Variants in EXOC6 observed in about 807,000 individuals in gnomAD.
EXOC6 encodes the protein exocyst complex component 6, also known as SEC15-like 1.
In EXOC6, 60 loss-of-function variants were observed where a neutral mutation model predicts 112.5. That is an observed-to-expected ratio of 0.53 (90% CI 0.43 to 0.66). EXOC6 has a LOEUF of 0.66. EXOC6 is among the 30% of genes least tolerant of loss of function. EXOC6 has a pLI of 0.00. For synonymous variants in EXOC6, 295 were observed against 308.0 expected, an observed-to-expected ratio of 0.96 and a Z score of 0.44; for missense variants, 855 against 957.1, an observed-to-expected ratio of 0.89 and a Z score of 1.41.
intron 20 of EXOC6, among the ~76,000 whole-genome samples, chr10:93,035,532 G>A (rs1590081820): frequency 6.6e-6 from 1 of 152,144 alleles, no homozygotes; most frequent in Non-Finnish European, 1.5e-5. Flanking sequence ...CAGTGCTAAC[G>A]TTTTACATAG....
At chr10:92,973,961 C>G (rs1415299230) in intron 17 of EXOC6, 92 bp from the exon 18 acceptor site, 2 of 1,083,286 alleles carry the variant, frequency 1.8e-6, no homozygotes, top group Non-Finnish European at 2.6e-6. Flanking sequence ...AAATATTAAA[C>G]CAAAGGTAAA....
chr10:92,934,001 A>T (rs1564842028), intron 9 of EXOC6, 143 bp from the exon 10 acceptor site: 1 of 521,998 alleles, frequency 1.9e-6, no homozygotes, highest in East Asian at 3.2e-5. Context: ...TTATTTACAG[A>T]TATATCCCTG....
At chr10:93,045,063 G>T (rs1564935786) in intron 20 of EXOC6, among the ~76,000 whole-genome samples, 1 of 152,138 alleles carries the variant, frequency 6.6e-6, no homozygotes, top group South Asian at 2.1e-4. Context: ...AGAAAAGAAG[G>T]GGTTTCGCCA....
At chr10:92,906,981 A>G (rs2133862832) in intron 5 of EXOC6, among the ~76,000 whole-genome samples, 1 of 152,338 alleles carries the variant, frequency 6.6e-6, no homozygotes, top group East Asian at 1.9e-4. Context: ...ATTTAGAAAC[A>G]GATAAAACAT....
chr10:92,951,627 G>T (rs1451127235), intron 14 of EXOC6, among the ~76,000 whole-genome samples: 1 of 152,172 alleles, frequency 6.6e-6, no homozygotes, highest in East Asian at 1.9e-4. Flanking sequence ...AAATAGAAAA[G>T]AGGGTTTTTT....
At chr10:93,004,581 A>C (rs1843893829) in intron 19 of EXOC6, among the ~76,000 whole-genome samples, 1 of 152,134 alleles carries the variant, frequency 6.6e-6, no homozygotes, top group Non-Finnish European at 1.5e-5. Context: ...TATTTTTTAA[A>C]ATGTTTCCTT....
chr10:92,867,028 T>C (rs1009283423), intron 1 of EXOC6, among the ~76,000 whole-genome samples: 2 of 152,190 alleles, frequency 1.3e-5, no homozygotes, highest in African/African-American at 2.4e-5. Flanking sequence ...ACATACTTAA[T>C]GAAGAGGTAA....
intron 19 of EXOC6, among the ~76,000 whole-genome samples, chr10:93,011,359 T>C (rs1275674991): frequency 2.0e-5 from 3 of 151,964 alleles, no homozygotes; most frequent in African/African-American, 7.3e-5. Context: ...TGGGCTTAAG[T>C]GATCCTCCTG....
At chr10:93,029,930 TG>T (rs1261427642) in intron 20 of EXOC6, among the ~76,000 whole-genome samples, 4 of 151,526 alleles carry the variant, frequency 2.6e-5, no homozygotes, top group African/African-American at 7.3e-5. Context: ...TTTTTTGAGA[TG>T]GAGTTTCGCT....
chr10:92,930,502 T>C (rs1213019626), intron 9 of EXOC6, among the ~76,000 whole-genome samples: 1 of 114,078 alleles, frequency 8.8e-6, no homozygotes, highest in Non-Finnish European at 1.8e-5. Context: ...AGACTCTGTC[T>C]CAAATAATAA....
chr10:92,938,389 C>T (rs1383481411), intron 12 of EXOC6, among the ~76,000 whole-genome samples: 1 of 152,042 alleles, frequency 6.6e-6, no homozygotes, highest in East Asian at 1.9e-4. Context: ...TTAATGATTG[C>T]CAGCTTTTAA....
intron 1 of EXOC6, among the ~76,000 whole-genome samples, chr10:92,887,457 G>A (rs1469908365): frequency 1.4e-5 from 2 of 139,922 alleles, no homozygotes; most frequent in Non-Finnish European, 3.0e-5. Context: ...GAGTGCAGTG[G>A]TGTGATCTAG....
chr10:92,945,794 C>A (rs1357056889), intron 13 of EXOC6, among the ~76,000 whole-genome samples: 1 of 152,194 alleles, frequency 6.6e-6, no homozygotes, highest in Non-Finnish European at 1.5e-5. Context: ...CTGCGTCAGC[C>A]TCCCAAAGAT....
At chr10:93,047,218 C>A (rs1238777825) in intron 20 of EXOC6, among the ~76,000 whole-genome samples, 1 of 152,114 alleles carries the variant, frequency 6.6e-6, no homozygotes, top group African/African-American at 2.4e-5. Context: ...TGAACTAGGA[C>A]AGGCGTAGTA....
At chr10:92,953,414 A>G (rs573187715) in intron 15 of EXOC6, among the ~76,000 whole-genome samples, 128 of 152,302 alleles carry the variant, frequency 8.4e-4, no homozygotes, top group Non-Finnish European at 1.1e-3. Flanking sequence ...AATAAAAAGT[A>G]AAAGGATGCA....
intron 20 of EXOC6, among the ~76,000 whole-genome samples, chr10:93,028,477 G>A (rs186247325): frequency 3.9e-4 from 59 of 152,204 alleles, no homozygotes; most frequent in Admixed American, 1.8e-3. Flanking sequence ...TACTTCTAAC[G>A]GATAAGCAGG....
intron 1 of EXOC6, among the ~76,000 whole-genome samples, chr10:92,841,214 C>G (rs1046467865): frequency 1.3e-5 from 2 of 152,146 alleles, no homozygotes; most frequent in Non-Finnish European, 2.9e-5. Context: ...CTTTCCTTTT[C>G]CCATCTATGT....
intron 20 of EXOC6, among the ~76,000 whole-genome samples, chr10:93,025,832 G>A (rs543911100): frequency 6.6e-6 from 1 of 152,264 alleles, no homozygotes; most frequent in Non-Finnish European, 1.5e-5. Context: ...AGAACACATA[G>A]ATCAAGAAAG....
chr10:92,945,192 G>T (rs899845902), intron 13 of EXOC6, among the ~76,000 whole-genome samples: 25 of 152,152 alleles, frequency 1.6e-4, no homozygotes, highest in African/African-American at 6.0e-4. Context: ...ATCTATTCAG[G>T]TCCTTTGCCC....
Sources: allele counts gnomAD v4.1 joint callset (sites outside exome capture counted in the v4.1 genomes callset), GRCh38; gene constraint gnomAD v4.1.1; transcripts MANE v1.5; gene names NCBI Gene and HGNC (gene_info 2026-07-23, HGNC 2026-07-21).